The following SH3BGR variants were observed in gnomAD, a reference collection of about 807,000 sequenced individuals.
The protein encoded by SH3BGR is SH3 domain binding glutamate rich protein, also known as SH3 domain-binding glutamic acid-rich protein.
Under a neutral mutation model 24.5 loss-of-function variants are expected in SH3BGR, and 29 were observed. The observed-to-expected ratio is 1.18, with a 90% confidence interval of 0.88 to 1.61. SH3BGR has a LOEUF of 1.61. Among genes scored for constraint, SH3BGR ranks in the 40% most tolerant of loss-of-function variants. SH3BGR has a pLI of 0.00. For missense variants in SH3BGR, 162 were observed against 205.8 expected, an observed-to-expected ratio of 0.79 and a Z score of 1.30; for synonymous variants, 55 against 65.7, an observed-to-expected ratio of 0.84 and a Z score of 0.79.
chr21:39,453,520 T>A (rs1301034342), intron 1 of SH3BGR, among the ~76,000 whole-genome samples: 1 of 152,206 alleles, frequency 6.6e-6, no homozygotes, highest in Non-Finnish European at 1.5e-5. Flanking sequence ...GTAGACCTGG[T>A]CTACATATTC....
chr21:39,505,399 T>G (rs144857123), intron 4 of SH3BGR, among the ~76,000 whole-genome samples: 103 of 152,206 alleles, frequency 6.8e-4, no homozygotes, highest in Non-Finnish European at 1.2e-3. Context: ...GAGCAATCAC[T>G]TCCCCTGAGC....
intron 3 of SH3BGR, among the ~76,000 whole-genome samples, chr21:39,491,111 A>C (rs1259977013): frequency 1.3e-5 from 2 of 152,076 alleles, no homozygotes; most frequent in African/African-American, 4.8e-5. Context: ...TCATTGACAT[A>C]ATTGTGTTTA....
intron 3 of SH3BGR, among the ~76,000 whole-genome samples, chr21:39,494,055 C>T (rs1390212930): frequency 6.6e-6 from 1 of 152,018 alleles, no homozygotes; most frequent in Non-Finnish European, 1.5e-5. Flanking sequence ...ATATTCTTAA[C>T]ATCTCACAGT....
At chr21:39,479,921 A>G (rs930684314) in intron 3 of SH3BGR, among the ~76,000 whole-genome samples, 1 of 151,702 alleles carries the variant, frequency 6.6e-6, no homozygotes, top group Non-Finnish European at 1.5e-5. Flanking sequence ...TTGTGAATTT[A>G]TCCTTTTCTT....
At position 39,494,505 on chromosome 21, in the gene SH3BGR, G is replaced by GT. The variant is rs566157847; in HGVS notation, c.313-5311dup. Reference sequence around the variant, plus strand: ...CGGATATAAGATTCTTAGTTGACAGGTTTTTTTCCTTTCAACACCTTGGAT... The same window carrying GT: ...CGGATATAAGATTCTTAGTTGACAGGTTTTTTTTCCTTTCAACACCTTGGAT... On this transcript the variant is annotated intron_variant, in intron 3 of 6. Transcript: ENST00000333634. Among the ~76,000 whole-genome samples, 102 of 151,890 alleles carry GT rather than the reference G, an allele frequency of 6.7e-4. 1 individual carries two copies. The Middle Eastern group carries it at 0.014, about 20-fold the overall frequency.
chr21:39,514,452 C>T (rs769170068), intron 6 of SH3BGR, among the ~76,000 whole-genome samples: 2 of 152,062 alleles, frequency 1.3e-5, no homozygotes, highest in African/African-American at 4.8e-5. Flanking sequence ...CTTTGACCTC[C>T]CTGGTCTCAG....
intron 3 of SH3BGR, among the ~76,000 whole-genome samples, chr21:39,491,147 A>G (rs1001052601): frequency 2.0e-5 from 3 of 150,500 alleles, no homozygotes; most frequent in Admixed American, 6.7e-5. Flanking sequence ...TATTTTTTCT[A>G]TTGGCCTCCA....
intron 3 of SH3BGR, among the ~76,000 whole-genome samples, chr21:39,488,923 G>A (rs767260325): frequency 4.6e-5 from 7 of 152,072 alleles, no homozygotes; most frequent in Non-Finnish European, 8.8e-5. Context: ...TGCTTGCCAT[G>A]AGCATTCACC....
rs755447425 is a variant in SH3BGR at position 39,492,479 on chromosome 21, TATACAC to T, written c.313-7342_313-7337del. On this transcript the variant is annotated intron_variant, in intron 3 of 6. Coordinates refer to ENST00000333634, the MANE Select transcript of SH3BGR (RefSeq NM_007341.3). ...GTGTGTGTGTGTGTATATATATATA[TATACAC>T]ACACACACACACACCACATTTTCTT... 4.2e-3 allele frequency among the ~76,000 whole-genome samples: 287 copies of T among 67,794 alleles called. 1 individual carries two copies. The East Asian group carries it at 0.1, about 24-fold the overall frequency. The allele number at this position is 67,794 out of a possible 152,430, so 44.5% of individuals were successfully genotyped here.
chr21:39,464,363 C>T (rs1313691026), intron 2 of SH3BGR, among the ~76,000 whole-genome samples: 1 of 152,156 alleles, frequency 6.6e-6, no homozygotes, highest in Non-Finnish European at 1.5e-5. Context: ...GCTGAGATTA[C>T]AGGCGTGTGC....
intron 1 of SH3BGR, among the ~76,000 whole-genome samples, chr21:39,455,923 A>C (rs939465095): frequency 4.5e-4 from 69 of 152,180 alleles, no homozygotes; most frequent in African/African-American, 1.5e-3. Context: ...AATGGCACTT[A>C]ACACAATGCC....
intron 2 of SH3BGR, among the ~76,000 whole-genome samples, chr21:39,464,466 A>G (rs1022351803): frequency 1.3e-5 from 2 of 152,116 alleles, no homozygotes; most frequent in African/African-American, 4.8e-5. Context: ...CAGGTGATCC[A>G]CCTGCCTTGG....
chr21:39,473,401 A>G (rs1372174682), intron 2 of SH3BGR, among the ~76,000 whole-genome samples: 1 of 152,250 alleles, frequency 6.6e-6, no homozygotes, highest in Admixed American at 6.5e-5. Flanking sequence ...AACAATGATT[A>G]GTAAGTGTGT....
intron 3 of SH3BGR, among the ~76,000 whole-genome samples, chr21:39,476,044 T>C (rs1383031330): frequency 1.3e-5 from 2 of 152,268 alleles, no homozygotes; most frequent in East Asian, 3.9e-4. Flanking sequence ...CGAACGCATG[T>C]AGATGGAGCT....
chr21:39,507,483 G>A (rs568387660), intron 4 of SH3BGR, among the ~76,000 whole-genome samples: 12 of 152,090 alleles, frequency 7.9e-5, no homozygotes, highest in South Asian at 6.3e-4. Flanking sequence ...ACAGGCATGC[G>A]CCACCATGCC....
intron 2 of SH3BGR, among the ~76,000 whole-genome samples, chr21:39,463,829 G>C (rs906288723): frequency 6.6e-6 from 1 of 152,188 alleles, no homozygotes; most frequent in Admixed American, 6.5e-5. Flanking sequence ...GAATTGTGTA[G>C]TTGTTGGGGG....
intron 3 of SH3BGR, among the ~76,000 whole-genome samples, chr21:39,484,130 C>T (rs1180087450): frequency 6.6e-6 from 1 of 152,130 alleles, no homozygotes; most frequent in Non-Finnish European, 1.5e-5. Context: ...GGACTTTTTT[C>T]TTGGCAATGA....
At chr21:39,447,416 C>CTTTTTTTTTTTTTTTTT (rs910615975), upstream of SH3BGR, among the ~76,000 whole-genome samples, 1 of 114,710 alleles carries the variant, frequency 8.7e-6, no homozygotes, top group Non-Finnish European at 1.8e-5. Context: ...TTCGCTTTTG[C>CTTTTTTTTTTTTTTTTT]TTTTTTTTTT....
chr21:39,456,055 A>G (rs996089908), intron 1 of SH3BGR, among the ~76,000 whole-genome samples: 2 of 152,208 alleles, frequency 1.3e-5, no homozygotes, highest in Admixed American at 6.5e-5. Flanking sequence ...TAGAAGAAAC[A>G]TAAGTCAAGA....
Sources: allele counts gnomAD v4.1 joint callset (sites outside exome capture counted in the v4.1 genomes callset), GRCh38; gene constraint gnomAD v4.1.1; transcripts MANE v1.5; gene names NCBI Gene and HGNC (gene_info 2026-07-23, HGNC 2026-07-21).